VPS50: variants seen among roughly 807,000 people sequenced by gnomAD.
VPS50 encodes the protein VPS50 subunit of EARP/GARPII complex.
VPS50 carries 70 observed loss-of-function variants against 139.7 expected under a neutral mutation model. The observed-to-expected ratio is 0.50, with a 90% CI of 0.41 to 0.61. The LOEUF (loss-of-function observed/expected upper bound fraction) is 0.61. VPS50 is among the 20% of genes least tolerant of loss of function. The pLI is 0.00. For synonymous variants in VPS50, 365 were observed against 376.7 expected, an observed-to-expected ratio of 0.97 and a Z score of 0.36; for missense variants, 921 against 1,133.7, an observed-to-expected ratio of 0.81 and a Z score of 2.69.
In VPS50 at chr7:93,360,742, G is replaced by A. The variant is rs1798812343; in HGVS notation, c.*2306G>A. 1 of 151,832 alleles carries A rather than the reference G, an allele frequency of 6.6e-6. No individual in the cohort carries two copies. The highest frequency in any genetic ancestry group is 2.1e-4 in the South Asian group (1 of 4,818). 9.4% of individuals were successfully genotyped at this position (151,832 alleles called of 1,614,324 possible). A position where few individuals can be genotyped will look rare whatever the true frequency, so the allele number is the denominator to read the frequency against. On this transcript the variant is annotated 3_prime_UTR_variant, in exon 28 of 28. Coordinates refer to ENST00000305866, the MANE Select transcript of VPS50 (RefSeq NM_017667.4). ...CCTGTAGAATTTACCATGGGAGCATGGTAAATTAGCATTCCCTGAGAAAGA... is the reference window on the plus strand; with the variant it reads ...CCTGTAGAATTTACCATGGGAGCATAGTAAATTAGCATTCCCTGAGAAAGA...
At chr7:93,295,520 C>G (rs1369357572) in intron 14 of VPS50, 2 of 152,132 alleles carry the variant, frequency 1.3e-5, no homozygotes, top group African/African-American at 4.8e-5. Flanking sequence ...AATTTAGTAA[C>G]TCAGTTGTTG....
chr7:93,289,976 G>A (rs1302709608), intron 12 of VPS50, among the ~76,000 whole-genome samples: 1 of 151,842 alleles, frequency 6.6e-6, no homozygotes, highest in Non-Finnish European at 1.5e-5. Flanking sequence ...TCTTGGGAGT[G>A]TTTCATGGTT....
intron 2 of VPS50, among the ~76,000 whole-genome samples, chr7:93,245,871 G>A (rs1401383909): frequency 6.6e-6 from 1 of 151,812 alleles, no homozygotes; most frequent in Non-Finnish European, 1.5e-5. Context: ...CATGTAATCA[G>A]ACATCTGGCC....
At chr7:93,260,850 C>G (rs985578787) in intron 9 of VPS50, among the ~76,000 whole-genome samples, 1 of 152,120 alleles carries the variant, frequency 6.6e-6, no homozygotes, top group African/African-American at 2.4e-5. Context: ...TGCACGCCAC[C>G]ATGCGCGGCT....
intron 9 of VPS50, among the ~76,000 whole-genome samples, chr7:93,263,870 A>G (rs1044966599): frequency 6.6e-6 from 1 of 152,232 alleles, no homozygotes; most frequent in African/African-American, 2.4e-5. Flanking sequence ...AAAAATAACA[A>G]TACAACACAA....
intron 22 of VPS50, among the ~76,000 whole-genome samples, chr7:93,337,078 T>C (rs1463060436): frequency 6.6e-6 from 1 of 152,258 alleles, no homozygotes; most frequent in Non-Finnish European, 1.5e-5. Context: ...CATTTATTTA[T>C]GTCAGCTTGA....
At chr7:93,316,669 C>T (rs970878066) in intron 20 of VPS50, among the ~76,000 whole-genome samples, 12 of 152,236 alleles carry the variant, frequency 7.9e-5, no homozygotes, top group South Asian at 4.2e-4. Flanking sequence ...CCAAGTTTTC[C>T]GAGCTGATGG....
In VPS50 at chr7:93,356,741, T is replaced by C. The variant is rs531545970; in HGVS notation, c.2775+661T>C. Among the ~76,000 whole-genome samples, 7 of 152,318 alleles carry C rather than the reference T, an allele frequency of 4.6e-5. No homozygotes were observed. In the Middle Eastern group the frequency reaches 0.014, roughly 296 times the overall value. Reference sequence around the variant, plus strand: ...GAAGCTTTTCTGTATATGGCATGTGTTAAAATTATCACCAAATCCTCATTG... The same window carrying C: ...GAAGCTTTTCTGTATATGGCATGTGCTAAAATTATCACCAAATCCTCATTG... On this transcript the variant is annotated intron_variant, in intron 27 of 27. Transcript: ENST00000305866.
intron 2 of VPS50, among the ~76,000 whole-genome samples, chr7:93,251,209 A>G (rs1210291634): frequency 6.6e-6 from 1 of 152,142 alleles, no homozygotes; most frequent in Non-Finnish European, 1.5e-5. Context: ...AGATCATTCT[A>G]TACAGATACA....
Position 93,327,584 on chromosome 7 carries a change from A to C in VPS50, c.1977+3852A>C, listed in dbSNP as rs1304672342. Among the ~76,000 whole-genome samples, 8 of 152,188 alleles carry C rather than the reference A, an allele frequency of 5.3e-5. No homozygotes were observed. In the South Asian group the frequency reaches 8.3e-4, roughly 16 times the overall value. ...ACACTAATCTGATATTTTATATTTA[A>C]ACCATTTTCAATTCTGTAAGACTCA... is the stretch of plus-strand genomic sequence containing the variant. On this transcript the variant is annotated intron_variant, in intron 21 of 27. Coordinates refer to ENST00000305866, the MANE Select transcript of VPS50 (RefSeq NM_017667.4).
intron 1 of VPS50, among the ~76,000 whole-genome samples, chr7:93,237,024 C>A (rs1794828443): frequency 1.4e-5 from 2 of 141,310 alleles, no homozygotes; most frequent in Admixed American, 1.5e-4. Context: ...GATCTCGGCT[C>A]ACTGCAAGCT....
rs1798008411 is a variant in VPS50, at chr7:93,334,097, C to G, written c.1978-20C>G. On this transcript the variant is annotated intron_variant, in intron 21 of 27. Coordinates refer to ENST00000305866, the MANE Select transcript of VPS50 (RefSeq NM_017667.4). ...CAAGATGATCTTTAGAACGATATAA[C>G]AAGCCTTTTTCTTTTTCAGTTGGAA... 1 of 1,388,444 alleles carries G rather than the reference C, an allele frequency of 7.2e-7. No individual in the cohort carries two copies. The highest frequency in any genetic ancestry group is 1.0e-6 in the Non-Finnish European group (1 of 983,732). The allele number at this position is 1,388,444 out of a possible 1,614,324, so 86.0% of individuals were successfully genotyped here.
Position 93,239,925 on chromosome 7 carries a change from C to A in VPS50, c.93C>A (p.Val31=). 1 of 1,596,048 alleles carries A rather than the reference C, an allele frequency of 6.3e-7. No homozygotes were observed. Among genetic ancestry groups the A allele is most frequent in the South Asian group, 1.1e-5 (1 of 90,694 alleles). ...SDLGAIESLR[V]PGKEEFRELR... is the part of the protein sequence containing the mutation. ...TTGGTGCCATAGAGAGTCTCCGGGT[C>A]CCTGGAAAGGTATTGAGCTACACGT... The change falls in exon 2 of 28, where the codon GTC becomes GTA. Residue 31 remains valine (V), a synonymous_variant. Coordinates refer to ENST00000305866, the MANE Select transcript of VPS50 (RefSeq NM_017667.4).
chr7:93,291,875 T>A, intron 13 of VPS50, 40 bp downstream of exon 13: 2 of 1,379,574 alleles, frequency 1.4e-6, no homozygotes, highest in South Asian at 1.4e-5. Flanking sequence ...AATTGAACTA[T>A]AAATATCCCA....
intron 9 of VPS50, among the ~76,000 whole-genome samples, chr7:93,270,874 A>G (rs570104464): frequency 6.6e-6 from 1 of 152,136 alleles, no homozygotes; most frequent in South Asian, 2.1e-4. Context: ...AAGTCTTCAG[A>G]TCACTGAGAA....
intron 2 of VPS50, chr7:93,246,108 C>A: frequency 6.6e-7 from 1 of 1,520,636 alleles, no homozygotes; most frequent in Non-Finnish European, 8.8e-7. Flanking sequence ...TCAGTTAGAG[C>A]CCTAACGTGA....
intron 22 of VPS50, among the ~76,000 whole-genome samples, chr7:93,338,630 G>A (rs1798129971): frequency 6.6e-6 from 1 of 152,156 alleles, no homozygotes; most frequent in Non-Finnish European, 1.5e-5. Flanking sequence ...TTCTAGTAGG[G>A]GGAAGATATT....
intron 21 of VPS50, among the ~76,000 whole-genome samples, chr7:93,326,952 A>G (rs1797799332): frequency 6.6e-6 from 1 of 152,202 alleles, no homozygotes; most frequent in African/African-American, 2.4e-5. Context: ...TGCTAATATG[A>G]CCAGTGACAA....
chr7:93,342,539 A>G (rs919352740), intron 23 of VPS50, among the ~76,000 whole-genome samples: 6 of 152,202 alleles, frequency 3.9e-5, no homozygotes, highest in African/African-American at 1.4e-4. Context: ...ACAGACAAAC[A>G]AAAAGACAGC....
Sources: allele counts gnomAD v4.1 joint callset (sites outside exome capture counted in the v4.1 genomes callset), GRCh38; gene constraint gnomAD v4.1.1; transcripts MANE v1.5; gene names NCBI Gene and HGNC (gene_info 2026-07-23, HGNC 2026-07-21).